The following TTLL11 variants were observed in gnomAD, a reference collection of about 807,000 sequenced individuals.
The protein encoded by TTLL11 is tubulin tyrosine ligase like 11.
In TTLL11, 42 loss-of-function variants were observed where a neutral mutation model predicts 51.7. The ratio of observed to expected loss-of-function variants is 0.81; its 90% CI spans 0.64 to 1.05. The LOEUF is 1.05. TTLL11 is among the 50% of genes least tolerant of loss of function. The probability of loss-of-function intolerance (pLI) is 0.00; values close to 1 mark genes in which losing one functional copy is unlikely to be tolerated. For missense variants in TTLL11, 799 were observed against 940.4 expected, an observed-to-expected ratio of 0.85 and a Z score of 1.97; for synonymous variants, 381 against 383.5, an observed-to-expected ratio of 0.99 and a Z score of 0.08.
intron 3 of TTLL11, among the ~76,000 whole-genome samples, chr9:122,030,051 G>A (rs1057392289): frequency 4.6e-5 from 7 of 152,096 alleles, no homozygotes; most frequent in Non-Finnish European, 8.8e-5. Context: ...ACACTCTATG[G>A]TGTTGGCACA....
chr9:121,852,816 G>A lies in TTLL11; in HGVS notation c.1840+7521C>T, dbSNP rs375422261. 9.0e-4 allele frequency among the ~76,000 whole-genome samples: 137 copies of A among 152,296 alleles called. 1 individual carries two copies. Among genetic ancestry groups the A allele is most frequent in the Non-Finnish European group, 8.8e-4 (60 of 68,030 alleles). Reference sequence around the variant, plus strand: ...TTCTGACGCCAACTATTTTGTAAGCGTGTAGGGCACACATCCAGAGAGGCC... The same window carrying A: ...TTCTGACGCCAACTATTTTGTAAGCATGTAGGGCACACATCCAGAGAGGCC... On this transcript the variant is annotated intron_variant, in intron 8 of 8. Transcript: ENST00000321582.
At chr9:121,895,960 GTGGGTGTGGGTGTGTGTC>G (rs1443989203) in intron 6 of TTLL11, among the ~76,000 whole-genome samples, 51 of 73,200 alleles carry the variant, frequency 7.0e-4, no homozygotes, top group Middle Eastern at 8.1e-3. Context: ...GTGTGGGTGT[GTGGGTGTGGGTGTGTGTC>G]TGTGGTGGGT....
chr9:121,847,042 C>T (rs2131363547), intron 8 of TTLL11, among the ~76,000 whole-genome samples: 2 of 152,236 alleles, frequency 1.3e-5, no homozygotes, highest in Admixed American at 6.5e-5. Flanking sequence ...AACCCCATCT[C>T]TACTAAAAAT....
At chr9:121,949,037 C>T (rs1391492404) in intron 6 of TTLL11, among the ~76,000 whole-genome samples, 3 of 152,148 alleles carry the variant, frequency 2.0e-5, no homozygotes, top group African/African-American at 7.2e-5. Context: ...GCCAGCCTCT[C>T]ACACAATGTT....
Position 121,853,996 on chromosome 9 carries a change from G to C in TTLL11, c.1840+6341C>G, listed in dbSNP as rs1163503912. Among the ~76,000 whole-genome samples the C allele has an allele frequency of 6.6e-6, 1 of 152,186 alleles. No individual in the cohort carries two copies. The highest frequency in any genetic ancestry group is 6.5e-5 in the Admixed American group (1 of 15,284). On this transcript the variant is annotated intron_variant, in intron 8 of 8. Transcript: ENST00000321582. The surrounding 1 kb of genome is among the most constrained non-coding windows in gnomAD (Gnocchi z 5.6). ...TGAGCATTTTCCACAGGCAGACATGGCCCTGAGCGCTTTCCGTGTTTTGTT... is the reference window on the plus strand; with the variant it reads ...TGAGCATTTTCCACAGGCAGACATGCCCCTGAGCGCTTTCCGTGTTTTGTT...
intron 3 of TTLL11, among the ~76,000 whole-genome samples, chr9:122,026,842 T>C (rs1844358396): frequency 6.6e-6 from 1 of 151,778 alleles, no homozygotes; most frequent in Non-Finnish European, 1.5e-5. Context: ...CATGGTGTTC[T>C]TGCCAAAAAT....
rs1303694853 is a variant in TTLL11 at position 122,092,732 on chromosome 9, G to A, written c.417C>T (p.Ser139=). ...GGATGCTGATCTTCAGGGCATCCAG[G>A]GAGGTCCTGGCCTTGGAGCTGTCCA... ...VTVDSSKART[S]LDALKISIRQ... The change falls in exon 1 of 9, where the codon TCC becomes TCT. Residue 139 remains serine (S), a synonymous_variant. Transcript: ENST00000321582. 2.0e-6 allele frequency: 3 copies of A among 1,537,900 alleles called. No individual in the cohort carries two copies. In the South Asian group the frequency reaches 3.6e-5, roughly 18 times the overall value.
intron 1 of TTLL11, among the ~76,000 whole-genome samples, chr9:122,062,672 T>C (rs1845468163): frequency 6.6e-6 from 1 of 151,480 alleles, no homozygotes; most frequent in South Asian, 2.1e-4. Context: ...TTTCACCATC[T>C]TGGCCAGGCT....
chr9:121,926,607 C>T (rs1806674), intron 6 of TTLL11, among the ~76,000 whole-genome samples: 11,905 of 152,176 alleles, frequency 0.078, 686 homozygotes, highest in African/African-American at 0.16. Flanking sequence ...TGCCCAGTCT[C>T]GGAGCTGCTT....
At chr9:121,839,417 C>T (rs79454880) in intron 8 of TTLL11, among the ~76,000 whole-genome samples, 2,425 of 152,228 alleles carry the variant, frequency 0.016, 52 homozygotes, top group African/African-American at 0.055. Flanking sequence ...TTACACATTG[C>T]GGGGTGATCT....
chr9:122,061,795 G>A (rs1370620059), intron 1 of TTLL11, among the ~76,000 whole-genome samples: 3 of 151,872 alleles, frequency 2.0e-5, no homozygotes, highest in Non-Finnish European at 4.4e-5. Flanking sequence ...CCACCACCAC[G>A]CCCTGCTAAT....
At chr9:122,066,968 T>C (rs1158324552) in intron 1 of TTLL11, among the ~76,000 whole-genome samples, 2 of 152,152 alleles carry the variant, frequency 1.3e-5, no homozygotes, top group Non-Finnish European at 2.9e-5. Flanking sequence ...CTCACTATCA[T>C]GAGAACAGCA....
intron 3 of TTLL11, among the ~76,000 whole-genome samples, chr9:122,010,337 G>T (rs902841171): frequency 6.6e-6 from 1 of 152,182 alleles, no homozygotes; most frequent in African/African-American, 2.4e-5. Context: ...TGCTGCAATT[G>T]TAACACCCCT....
intron 6 of TTLL11, among the ~76,000 whole-genome samples, chr9:121,896,617 T>G (rs1839534324): frequency 6.6e-6 from 1 of 152,220 alleles, no homozygotes; most frequent in African/African-American, 2.4e-5. Context: ...GGTCCGAGGT[T>G]GCATAGATGG....
intron 6 of TTLL11, among the ~76,000 whole-genome samples, chr9:121,920,747 A>T (rs1355285653): frequency 2.0e-5 from 3 of 151,996 alleles, no homozygotes; most frequent in Non-Finnish European, 4.4e-5. Flanking sequence ...ATTGGATAAG[A>T]CTCTATCCCC....
chr9:121,867,843 G>A (rs909457742), intron 7 of TTLL11, among the ~76,000 whole-genome samples: 2 of 152,142 alleles, frequency 1.3e-5, no homozygotes, highest in African/African-American at 4.8e-5. Context: ...CATGCTATCT[G>A]TTAGACTGAC....
chr9:121,935,199 C>A (rs907161245), intron 6 of TTLL11, among the ~76,000 whole-genome samples: 1 of 151,980 alleles, frequency 6.6e-6, no homozygotes, highest in Non-Finnish European at 1.5e-5. Flanking sequence ...CCTCTTGATC[C>A]GCCCGCCTCG....
intron 8 of TTLL11, among the ~76,000 whole-genome samples, chr9:121,838,087 G>T (rs1029962605): frequency 6.6e-6 from 1 of 152,144 alleles, no homozygotes; most frequent in South Asian, 2.1e-4. Context: ...ATTGTCTCCA[G>T]GCCAGCCTGC....
At chr9:122,078,758 T>C (rs1564388494) in intron 1 of TTLL11, among the ~76,000 whole-genome samples, 1 of 152,172 alleles carries the variant, frequency 6.6e-6, no homozygotes, top group Non-Finnish European at 1.5e-5. Context: ...AGCTACACAT[T>C]GAGTTGTTTC....
Sources: allele counts gnomAD v4.1 joint callset (sites outside exome capture counted in the v4.1 genomes callset), GRCh38; gene constraint gnomAD v4.1.1; non-coding constraint Gnocchi (gnomAD v3.1); transcripts MANE v1.5; gene names NCBI Gene and HGNC (gene_info 2026-07-23, HGNC 2026-07-21).